The following OR10J1 variants were observed in gnomAD, a reference collection of about 807,000 sequenced individuals.
OR10J1 encodes the protein olfactory receptor family 10 subfamily J member 1, also known as olfactory receptor 10J1.
For synonymous variants in OR10J1, 202 were observed against 143.8 expected, an observed-to-expected ratio of 1.40 and a Z score of -2.89; for missense variants, 474 against 376.6, an observed-to-expected ratio of 1.26 and a Z score of -2.14.
At chr1:159,413,548 A>G in the OR10J1 span, among the ~76,000 whole-genome samples, 2 of 152,086 alleles carry the variant, frequency 1.3e-5, no homozygotes. Context: ...AGGGACATGG[A>G]TGAAATGGGA....
upstream of OR10J1, among the ~76,000 whole-genome samples, chr1:159,436,043 T>C (rs1217821309): frequency 1.3e-5 from 2 of 152,186 alleles, no homozygotes; most frequent in Non-Finnish European, 2.9e-5. Context: ...GTTTGATAAA[T>C]ATTAATTGCT....
chr1:159,414,585 C>G, the OR10J1 span, among the ~76,000 whole-genome samples: 6 of 149,576 alleles, frequency 4.0e-5, no homozygotes, highest in African/African-American at 1.5e-4. Flanking sequence ...ATATTGATTT[C>G]CTTTCTTTTG....
chr1:159,426,177 T>C, the OR10J1 span, among the ~76,000 whole-genome samples: 1 of 151,672 alleles, frequency 6.6e-6, no homozygotes, highest in Non-Finnish European at 1.5e-5. Flanking sequence ...ATAAAAAATA[T>C]AAAATATGGT....
At chr1:159,431,777 TG>T in the OR10J1 span, among the ~76,000 whole-genome samples, 1 of 152,212 alleles carries the variant, frequency 6.6e-6, no homozygotes, top group Non-Finnish European at 1.5e-5. Flanking sequence ...AAATAGACTT[TG>T]TTTTAGGTGA....
At chr1:159,408,691 T>C in the OR10J1 span, among the ~76,000 whole-genome samples, 4 of 152,090 alleles carry the variant, frequency 2.6e-5, no homozygotes, top group Non-Finnish European at 5.9e-5. Context: ...GTAACACAAG[T>C]TCCTCATCTA....
At chr1:159,425,604 G>A in the OR10J1 span, among the ~76,000 whole-genome samples, 2 of 151,990 alleles carry the variant, frequency 1.3e-5, no homozygotes, top group African/African-American at 4.8e-5. Flanking sequence ...GAAAAAAATT[G>A]CAAAGAAAGA....
chr1:159,439,168 C>T (rs141005654), upstream of OR10J1, among the ~76,000 whole-genome samples: 1 of 152,144 alleles, frequency 6.6e-6, no homozygotes, highest in East Asian at 1.9e-4. Context: ...CAAGATGAAC[C>T]TTTCTACTTT....
Position 159,440,286 on chromosome 1 carries a change from G to A in OR10J1, c.495G>A (p.Arg165=), listed in dbSNP as rs1257569715. The A allele has an allele frequency of 1.2e-6, 2 of 1,614,122 alleles. No homozygotes were observed. Among genetic ancestry groups the A allele is most frequent in the East Asian group, 4.5e-5 (2 of 44,880 alleles). ...TAACGCAAGTGACATCTGTATTCAG[G>A]TTACCCTTCTGTGCTAGAAAGGTGC... ...VAITQVTSVF[R]LPFCARKVPH... The change falls in exon 1 of 1, where the codon AGG becomes AGA. Residue 165 remains arginine (R), a synonymous_variant. Transcript: ENST00000423932.
the OR10J1 span, chr1:159,432,416 G>A: frequency 2.5e-6 from 1 of 404,406 alleles, no homozygotes; most frequent in East Asian, 3.5e-5. Context: ...CTATTTCTGA[G>A]ACCTATTATA....
At chr1:159,406,562 C>A in the OR10J1 span, among the ~76,000 whole-genome samples, 16,377 of 151,934 alleles carry the variant, frequency 0.11, 1,110 homozygotes, top group East Asian at 0.23. Context: ...TAAGAGACAT[C>A]TAATGACCTA....
chr1:159,425,269 AG>A, the OR10J1 span, among the ~76,000 whole-genome samples: 1 of 152,130 alleles, frequency 6.6e-6, no homozygotes, highest in Non-Finnish European at 1.5e-5. Flanking sequence ...AAACTAACAC[AG>A]GTGAGAGACA....
the OR10J1 span, among the ~76,000 whole-genome samples, chr1:159,399,398 G>A: frequency 2.1e-4 from 32 of 151,670 alleles, no homozygotes; most frequent in East Asian, 2.1e-3. Flanking sequence ...GGTGAAACCC[G>A]TCTCTACTAA....
the OR10J1 span, among the ~76,000 whole-genome samples, chr1:159,403,194 T>C: frequency 6.6e-6 from 1 of 152,006 alleles, no homozygotes; most frequent in Non-Finnish European, 1.5e-5. Flanking sequence ...TAGGACATTA[T>C]TAACCTGGGC....
the OR10J1 span, among the ~76,000 whole-genome samples, chr1:159,399,112 A>G: frequency 6.6e-5 from 10 of 152,316 alleles, no homozygotes; most frequent in African/African-American, 1.9e-4. Context: ...GAAACATTAC[A>G]GGCCAGGAGA....
chr1:159,416,161 T>C, the OR10J1 span, among the ~76,000 whole-genome samples: 2 of 151,964 alleles, frequency 1.3e-5, no homozygotes, highest in Admixed American at 6.6e-5. Flanking sequence ...CTTGTCCAGT[T>C]TGAGTATCTT....
the OR10J1 span, among the ~76,000 whole-genome samples, chr1:159,419,132 T>C: frequency 6.6e-6 from 1 of 152,186 alleles, no homozygotes; most frequent in Non-Finnish European, 1.5e-5. Context: ...TTTTAAGCTG[T>C]GGACTTTTGA....
the OR10J1 span, among the ~76,000 whole-genome samples, chr1:159,421,983 C>G: frequency 1.8e-3 from 274 of 152,238 alleles, 1 homozygote; most frequent in Non-Finnish European, 2.7e-3. Context: ...GGACAACCCT[C>G]TGGGACCCAA....
At chr1:159,432,320 C>T in the OR10J1 span, 6 of 401,062 alleles carry the variant, frequency 1.5e-5, no homozygotes, top group Non-Finnish European at 2.7e-5. Flanking sequence ...ACGTTTTGAC[C>T]CTTGCCAGCA....
chr1:159,397,556 A>C, the OR10J1 span, among the ~76,000 whole-genome samples: 3 of 152,016 alleles, frequency 2.0e-5, no homozygotes, highest in Non-Finnish European at 4.4e-5. Flanking sequence ...GACAACATTC[A>C]CCACAAGCTA....
Sources: gnomAD v4.1 joint callset for allele counts (sites outside exome capture counted in the v4.1 genomes callset) on GRCh38, gnomAD v4.1.1 for gene constraint, MANE v1.5 for transcripts, NCBI Gene and HGNC (gene_info 2026-07-23, HGNC 2026-07-21) for gene names.